SLC22A23: variants seen among roughly 807,000 people sequenced by gnomAD.
SLC22A23 encodes the protein solute carrier family 22 member 23.
Under a neutral mutation model 61.0 loss-of-function variants are expected in SLC22A23, and 26 were observed. The ratio of observed to expected loss-of-function variants is 0.43; its 90% CI spans 0.31 to 0.59. The LOEUF (loss-of-function observed/expected upper bound fraction) is 0.59. Ranked by LOEUF, SLC22A23 falls within the 20% of genes least tolerant of loss-of-function variation. The pLI is 0.11. For missense variants in SLC22A23, 796 were observed against 934.7 expected (o/e 0.85, Z 1.94); for synonymous variants, 430 against 413.9 (o/e 1.04, Z -0.47).
At chr6:3,444,127 C>T (rs185165988) in intron 1 of SLC22A23, among the ~76,000 whole-genome samples, 136 of 152,290 alleles carry the variant, frequency 8.9e-4, no homozygotes, top group African/African-American at 3.1e-3. Context: ...CGCGTGCTGG[C>T]GGTATCCTCT....
rs61020784 is a variant in SLC22A23 at position 3,389,268 on chromosome 6, CAAAAAAAAAAAA to C, written c.913+20908_913+20919del. 1.2e-4 allele frequency among the ~76,000 whole-genome samples: 4 copies of C among 32,600 alleles called. No homozygotes were observed. In the East Asian group the frequency reaches 3.6e-3, roughly 29 times the overall value. The allele number at this position is 32,600 out of a possible 152,430, so 21.4% of individuals were successfully genotyped here. A position where few individuals can be genotyped will look rare whatever the true frequency, so the allele number is the denominator to read the frequency against. ...GGGCAACAAGAGCAAAACTCTGTCT[CAAAAAAAAAAAA>C]AAAAAAAAAAAAAAAGCAACAACAA... On this transcript the variant is annotated intron_variant, in intron 3 of 9. Transcript: ENST00000406686.
chr6:3,295,259 A>G (rs1760977276), intron 5 of SLC22A23, among the ~76,000 whole-genome samples: 1 of 152,030 alleles, frequency 6.6e-6, no homozygotes, highest in South Asian at 2.1e-4. Flanking sequence ...GTAACAGTGA[A>G]TAACTGGGGG....
At chr6:3,291,999 A>G (rs929345385) in intron 5 of SLC22A23, 1 of 151,774 alleles carries the variant, frequency 6.6e-6, no homozygotes, top group South Asian at 2.1e-4. Flanking sequence ...AATTGACTGT[A>G]GTCTGCAGAG....
At chr6:3,411,726 G>T (rs2127516159) in intron 2 of SLC22A23, among the ~76,000 whole-genome samples, 1 of 152,314 alleles carries the variant, frequency 6.6e-6, no homozygotes, top group South Asian at 2.1e-4. Flanking sequence ...ATTACACTCA[G>T]AACTTTTAGT....
intron 4 of SLC22A23, among the ~76,000 whole-genome samples, chr6:3,298,738 C>T (rs375628430): frequency 6.6e-6 from 1 of 151,622 alleles, no homozygotes; most frequent in South Asian, 2.1e-4. Flanking sequence ...TTTGGGAGGC[C>T]GAGGCGGGTG....
intron 4 of SLC22A23, chr6:3,323,550 G>T: frequency 1.9e-6 from 1 of 513,658 alleles, no homozygotes; most frequent in African/African-American, 1.9e-5. Flanking sequence ...CCCGTGGGGT[G>T]GGTAGCAAGA....
intron 6 of SLC22A23, among the ~76,000 whole-genome samples, chr6:3,289,329 C>T (rs984868174): frequency 6.6e-6 from 1 of 152,242 alleles, no homozygotes; most frequent in African/African-American, 2.4e-5. Flanking sequence ...CCTCCACCCA[C>T]GGCTGTCCTG....
At chr6:3,287,118 G>C (rs1263904384) in intron 6 of SLC22A23, 27 bp from the exon 7 acceptor site, 1 of 1,606,766 alleles carries the variant, frequency 6.2e-7, no homozygotes, top group Non-Finnish European at 8.5e-7. Context: ...AGCGGCAGTG[G>C]GTGGGCTGCC....
rs958222981 is a variant in SLC22A23, at chr6:3,284,056, A to C, written c.1580-81T>G. The C allele has an allele frequency of 6.4e-6, 9 of 1,414,342 alleles. No individual in the cohort carries two copies. In the African/African-American group the frequency reaches 7.1e-5, roughly 11 times the overall value. The allele number at this position is 1,414,342 out of a possible 1,614,324, so 87.6% of individuals were successfully genotyped here. A position where few individuals can be genotyped will look rare whatever the true frequency, so the allele number is the denominator to read the frequency against. ...GGAGGGAGGCCTGGGGCTGCACAGC[A>C]CAGCTCCTTCCCAGTGTCCAGCTTG... On this transcript the variant is annotated intron_variant, in intron 8 of 9. Transcript: ENST00000406686.
chr6:3,415,518 C>T (rs1178569576), intron 2 of SLC22A23, among the ~76,000 whole-genome samples: 1 of 152,198 alleles, frequency 6.6e-6, no homozygotes, highest in Non-Finnish European at 1.5e-5. Context: ...GCTGGTTTTG[C>T]TATATTCTAG....
chr6:3,373,196 C>T (rs1384712835), intron 3 of SLC22A23, among the ~76,000 whole-genome samples: 6 of 152,226 alleles, frequency 3.9e-5, no homozygotes, highest in Non-Finnish European at 8.8e-5. Context: ...CAAAACCCCC[C>T]GGGCACTAAG....
intron 1 of SLC22A23, among the ~76,000 whole-genome samples, chr6:3,423,712 TA>T (rs1770297329): frequency 6.6e-6 from 1 of 152,230 alleles, no homozygotes; most frequent in African/African-American, 2.4e-5. Flanking sequence ...GCAACTCATT[TA>T]TATGAAATAA....
At chr6:3,438,402 A>T (rs995842332) in intron 1 of SLC22A23, 5 of 413,568 alleles carry the variant, frequency 1.2e-5, no homozygotes, top group Non-Finnish European at 2.4e-5. Flanking sequence ...CACTGGGACT[A>T]GATGATCCAT....
intron 3 of SLC22A23, among the ~76,000 whole-genome samples, chr6:3,347,761 A>C (rs1561914192): frequency 6.6e-6 from 1 of 152,070 alleles, no homozygotes; most frequent in East Asian, 1.9e-4. Flanking sequence ...TTTTCTCATT[A>C]TTCCTCTAAT....
intron 9 of SLC22A23, among the ~76,000 whole-genome samples, chr6:3,273,765 G>A (rs1408600208): frequency 6.6e-6 from 1 of 152,138 alleles, no homozygotes; most frequent in Non-Finnish European, 1.5e-5. Context: ...GATATTACTT[G>A]CCATAAGTAG....
rs1360976781 is a variant in SLC22A23, at chr6:3,333,816, T to A, written c.914-9814A>T. ...CGGGGCCCTTCTCAGTCCTACTGTA[T>A]CAGAAACTGAGGCTGGGAACAGCAA... On this transcript the variant is annotated intron_variant, in intron 3 of 9. Transcript: ENST00000406686. The surrounding 1 kb of genome is among the most constrained non-coding windows in gnomAD (Gnocchi z 4.1). 6.6e-6 allele frequency among the ~76,000 whole-genome samples: 1 copy of A among 152,180 alleles called. No individual in the cohort carries two copies. Among genetic ancestry groups the A allele is most frequent in the East Asian group, 1.9e-4 (1 of 5,188 alleles).
intron 3 of SLC22A23, among the ~76,000 whole-genome samples, chr6:3,335,049 G>A (rs9501991): frequency 0.21 from 31,198 of 152,130 alleles, 3,705 homozygotes; most frequent in African/African-American, 0.31. Context: ...CTGATAGAAC[G>A]TACAGCAGTT....
intron 6 of SLC22A23, among the ~76,000 whole-genome samples, chr6:3,288,110 C>T (rs1018647406): frequency 3.3e-4 from 50 of 152,208 alleles, no homozygotes; most frequent in African/African-American, 1.1e-3. Context: ...GGAACAAAGG[C>T]GTGGCTGCAC....
chr6:3,431,885 A>C (rs991360633), intron 1 of SLC22A23, among the ~76,000 whole-genome samples: 12 of 152,104 alleles, frequency 7.9e-5, no homozygotes, highest in African/African-American at 2.9e-4. Flanking sequence ...AGAGGTCTAG[A>C]GTTAATGGTT....
Sources: allele counts gnomAD v4.1 joint callset (sites outside exome capture counted in the v4.1 genomes callset), GRCh38; gene constraint gnomAD v4.1.1; non-coding constraint Gnocchi (gnomAD v3.1); transcripts MANE v1.5; gene names NCBI Gene and HGNC (gene_info 2026-07-23, HGNC 2026-07-21).